Variants in UBR2 observed in about 807,000 individuals in gnomAD.
The protein encoded by UBR2 is ubiquitin protein ligase E3 component n-recognin 2.
A neutral mutation model predicts 247.9 loss-of-function variants in UBR2; 92 were observed. That is an observed-to-expected ratio of 0.37 (90% CI 0.31 to 0.44). The LOEUF (loss-of-function observed/expected upper bound fraction) is 0.44, where lower values mean the gene tolerates loss of function less well. Among genes scored for constraint, UBR2 ranks in the 20% least tolerant of loss-of-function variants. The pLI, the probability that UBR2 is intolerant of heterozygous loss-of-function variation, is 1.00. For missense variants in UBR2, 1,613 were observed against 2,112.6 expected (o/e 0.76, Z 4.64); for synonymous variants, 672 against 693.5 (o/e 0.97, Z 0.49).
intron 2 of UBR2, among the ~76,000 whole-genome samples, chr6:42,587,996 G>T (rs1480747027): frequency 6.6e-6 from 1 of 152,046 alleles, no homozygotes; most frequent in East Asian, 1.9e-4. Flanking sequence ...TATTGGCTGG[G>T]TATCTTACAA....
Position 42,622,405 on chromosome 6 carries a change from G to GTTTTTTTTTTTT in UBR2, c.1281+4901_1281+4912dup, listed in dbSNP as rs112798050. Among the ~76,000 whole-genome samples, 485 of 138,616 alleles carry GTTTTTTTTTTTT rather than the reference G, an allele frequency of 3.5e-3. 8 individuals are homozygous for GTTTTTTTTTTTT. The highest frequency in any genetic ancestry group is 0.013 in the African/African-American group (469 of 36,770). The allele number at this position is 138,616 out of a possible 152,430, so 90.9% of individuals were successfully genotyped here. On this transcript the variant is annotated intron_variant, in intron 11 of 46. Coordinates refer to ENST00000372901, the MANE Select transcript of UBR2 (RefSeq NM_001363705.2). ...ACATTGTTTTTGGGTTTTTTGGTGGGTTTTTTTTTTTTTTGAGACAGAACC... is the reference window on the plus strand; with the variant it reads ...ACATTGTTTTTGGGTTTTTTGGTGGGTTTTTTTTTTTTTTTTTTTTTTTTTTGAGACAGAACC...
chr6:42,611,242 C>T (rs148353742), intron 7 of UBR2, among the ~76,000 whole-genome samples: 3,530 of 150,776 alleles, frequency 0.023, 126 homozygotes, highest in African/African-American at 0.081. Flanking sequence ...GTGGGGGGAT[C>T]ACGAGATCAA....
chr6:42,584,122 C>T (rs888195695), intron 2 of UBR2, among the ~76,000 whole-genome samples: 3 of 151,664 alleles, frequency 2.0e-5, no homozygotes, highest in Non-Finnish European at 4.4e-5. Flanking sequence ...CTCAGCCTCC[C>T]GAGTAGCTGG....
At position 42,659,577 on chromosome 6, in the gene UBR2, CAT is replaced by C. The variant is rs1307522047; in HGVS notation, c.3243-77_3243-76del. 3 of 1,126,432 alleles carry C rather than the reference CAT, an allele frequency of 2.7e-6. No individual in the cohort carries two copies. Among genetic ancestry groups the C allele is most frequent in the East Asian group, 2.6e-5 (1 of 38,984 alleles). The allele number at this position is 1,126,432 out of a possible 1,614,324, so 69.8% of individuals were successfully genotyped here. ...CACACACACACTACACACACACACACATACCTGTAGTCTGCTATTTTGTGATT... is the reference window on the plus strand; with the variant it reads ...CACACACACACTACACACACACACACACCTGTAGTCTGCTATTTTGTGATT... On this transcript the variant is annotated intron_variant, in intron 29 of 46. Transcript: ENST00000372901. The surrounding 1 kb of genome is among the most constrained non-coding windows in gnomAD (Gnocchi z 4.3).
chr6:42,571,242 CAAAAAAAAAAA>C (rs774925925), intron 1 of UBR2, among the ~76,000 whole-genome samples: 2 of 39,146 alleles, frequency 5.1e-5, no homozygotes, highest in East Asian at 7.9e-4. Context: ...GACTCCGTCT[CAAAAAAAAAAA>C]AAAAAAAAAA....
chr6:42,663,544 T>C, intron 32 of UBR2, 125 bp downstream of exon 32: 3 of 995,670 alleles, frequency 3.0e-6, no homozygotes, highest in Non-Finnish European at 4.1e-6. Flanking sequence ...CTTTCCAAAC[T>C]CTAATCATTT....
At chr6:42,577,631 C>T (rs73436684) in intron 2 of UBR2, among the ~76,000 whole-genome samples, 3,349 of 151,976 alleles carry the variant, frequency 0.022, 111 homozygotes, top group African/African-American at 0.075. Flanking sequence ...AAAAATAAAA[C>T]GAGTAGAATA....
chr6:42,582,686 A>C (rs1341604326), intron 2 of UBR2, among the ~76,000 whole-genome samples: 1 of 152,068 alleles, frequency 6.6e-6, no homozygotes, highest in Non-Finnish European at 1.5e-5. Context: ...TCTTAATTGC[A>C]ATTATTGTAT....
chr6:42,612,391 G>C, intron 8 of UBR2, 100 bp downstream of exon 8: 4 of 1,250,828 alleles, frequency 3.2e-6, no homozygotes, highest in Non-Finnish European at 4.2e-6. Flanking sequence ...ATAATTTCCT[G>C]CTTTAATTTT....
intron 32 of UBR2, 62 bp from the exon 33 acceptor site, chr6:42,665,347 G>T: frequency 8.2e-7 from 1 of 1,222,218 alleles, no homozygotes; most frequent in Non-Finnish European, 1.2e-6. Context: ...ATCATTTAAG[G>T]AGTCTTTTGT....
rs759157491 is a variant in UBR2, at chr6:42,662,235, C to G, written c.3494C>G (p.Thr1165Ser). 19 of 1,611,668 alleles carry G rather than the reference C, an allele frequency of 1.2e-5. No homozygotes were observed. The South Asian group carries it at 2.1e-4, about 18-fold the overall frequency. ...CCTGATCTGTCTTGTGGAACACACACTAGTAGCTGTGGGCACATTATGCAT... is the reference window on the plus strand; with the variant it reads ...CCTGATCTGTCTTGTGGAACACACAGTAGTAGCTGTGGGCACATTATGCAT... ...MHPDLSCGTH[T>S]SSCGHIMHAH... The change falls in exon 31 of 47, where the codon ACT becomes AGT. Residue 1165 changes from threonine (T) to serine (S), a missense_variant. Thr to Ser is a moderately conservative substitution (Grantham distance 58). Transcript: ENST00000372901.
Position 42,665,530 on chromosome 6 carries a change from G to A in UBR2, c.3802+18G>A. The stretch of plus-strand genomic sequence containing the variant: ...TACTCCTAGTAAGTTCTGGTAACCT[G>A]TTTTCATTTTTCCCTAAAGTCCGAG... On this transcript the variant is annotated intron_variant, in intron 33 of 46. Coordinates refer to ENST00000372901, the MANE Select transcript of UBR2 (RefSeq NM_001363705.2). 6.4e-7 allele frequency: 1 copy of A among 1,571,544 alleles called. No individual in the cohort carries two copies. The highest frequency in any genetic ancestry group is 8.7e-7 in the Non-Finnish European group (1 of 1,150,240).
intron 19 of UBR2, 43 bp downstream of exon 19, chr6:42,644,379 GC>G: frequency 6.2e-7 from 1 of 1,606,400 alleles, no homozygotes; most frequent in African/African-American, 1.3e-5. Context: ...TGCTAAAGAA[GC>G]ATCTTTCCTT....
chr6:42,615,960 T>C (rs371443364), intron 9 of UBR2, 42 bp from the exon 10 acceptor site: 1 of 1,363,612 alleles, frequency 7.3e-7, no homozygotes, highest in African/African-American at 1.5e-5. Context: ...AATGTAATTG[T>C]TGGGCGTGTC....
intron 43 of UBR2, among the ~76,000 whole-genome samples, 178 bp from the exon 44 acceptor site, chr6:42,684,616 A>AT (rs1379125615): frequency 2.0e-5 from 3 of 151,692 alleles, no homozygotes; most frequent in African/African-American, 4.8e-5. Flanking sequence ...CAAAAAAAAA[A>AT]CTGTCTAAAA....
rs1432462925 is a variant in UBR2, at chr6:42,666,216, T to C, written c.3852T>C (p.Pro1284=). The part of the protein sequence containing the change: ...NSENVDELQL[P]EGFRPDFRPK... ...AAAATGTGGATGAATTACAGCTCCC[T>C]GAAGGGTTCAGGCCTGATTTTCGTC... is the stretch of plus-strand genomic sequence containing the variant. Residue 1284 remains proline, a synonymous_variant, in exon 34 of 47, where the codon CCT becomes CCC. Coordinates refer to ENST00000372901, the MANE Select transcript of UBR2 (RefSeq NM_001363705.2). The C allele has an allele frequency of 1.2e-6, 2 of 1,613,236 alleles. No individual in the cohort carries two copies. The highest frequency in any genetic ancestry group is 1.1e-5 in the South Asian group (1 of 90,800).
At chr6:42,619,443 A>ATTTTTTTTTTTTTTTTT (rs1378166581) in intron 11 of UBR2, 1 of 29,330 alleles carries the variant, frequency 3.4e-5, no homozygotes, top group Non-Finnish European at 6.6e-5. Context: ...ATATATATAT[A>ATTTTTTTTTTTTTTTTT]TATATATATA....
intron 2 of UBR2, among the ~76,000 whole-genome samples, chr6:42,589,077 CT>C (rs1162801424): frequency 6.6e-6 from 1 of 152,088 alleles, no homozygotes; most frequent in African/African-American, 2.4e-5. Flanking sequence ...AACACCTGGA[CT>C]TGGGATCCTC....
At chr6:42,604,553 A>G (rs1205170553) in intron 5 of UBR2, among the ~76,000 whole-genome samples, 1 of 152,210 alleles carries the variant, frequency 6.6e-6, no homozygotes. Context: ...ACTGTACTAT[A>G]CTATAACATC....
Sources: gnomAD v4.1 joint callset for allele counts (sites outside exome capture counted in the v4.1 genomes callset) on GRCh38, gnomAD v4.1.1 for gene constraint, Gnocchi (gnomAD v3.1) non-coding constraint, MANE v1.5 for transcripts, NCBI Gene and HGNC (gene_info 2026-07-23, HGNC 2026-07-21) for gene names.